RGS19: variants seen among roughly 807,000 people sequenced by gnomAD.
RGS19 encodes G alpha interacting protein.
A neutral mutation model predicts 22.0 loss-of-function variants in RGS19; 9 were observed. That is an observed-to-expected ratio of 0.41 (90% confidence interval 0.25 to 0.71). The LOEUF (loss-of-function observed/expected upper bound fraction) is 0.71. Among genes scored for constraint, RGS19 ranks in the 30% least tolerant of loss-of-function variants. RGS19 has a pLI of 0.32. For synonymous variants in RGS19, 130 were observed against 127.3 expected (o/e 1.02, Z -0.14); for missense variants, 256 against 307.1 (o/e 0.83, Z 1.24).
chr20:64,076,116 G>A (rs757163490), intron 3 of RGS19, among the ~76,000 whole-genome samples: 24 of 152,128 alleles, frequency 1.6e-4, no homozygotes, highest in Non-Finnish European at 2.8e-4. Flanking sequence ...CCCGACCTCA[G>A]GTGATCCGCC....
intron 3 of RGS19, 28 bp from the exon 4 acceptor site, chr20:64,074,569 C>T (rs1040580005): frequency 1.9e-6 from 3 of 1,538,832 alleles, no homozygotes; most frequent in African/African-American, 1.4e-5. Flanking sequence ...GCAGCGCTGC[C>T]GTGGGCACAC....
chr20:64,074,118 C>A (rs11905291), intron 5 of RGS19, 26 bp downstream of exon 5: 1 of 1,606,930 alleles, frequency 6.2e-7, no homozygotes, highest in African/African-American at 1.3e-5. Context: ...CAGGCGGCCC[C>A]CGGCCTGTTC....
Position 64,073,601 on chromosome 20 carries a change from A to G in RGS19, c.*252T>C, listed in dbSNP as rs2059873863. On this transcript the variant is annotated 3_prime_UTR_variant, in exon 6 of 6. Coordinates refer to ENST00000395042, the MANE Select transcript of RGS19 (RefSeq NM_005873.3). Reference sequence around the variant, plus strand: ...CCCAGCCAGGAGCACTGGGCCAGCCAGCTGCGGGCCGATGAGGGGGCTTCT... The same window carrying G: ...CCCAGCCAGGAGCACTGGGCCAGCCGGCTGCGGGCCGATGAGGGGGCTTCT... 4 of 463,416 alleles carry G rather than the reference A, an allele frequency of 8.6e-6. No individual in the cohort carries two copies. Among genetic ancestry groups the G allele is most frequent in the Non-Finnish European group, 1.5e-5 (4 of 259,458 alleles). 28.7% of individuals were successfully genotyped at this position (463,416 alleles called of 1,614,324 possible). A position where few individuals can be genotyped will look rare whatever the true frequency, so the allele number is the denominator to read the frequency against.
Position 64,075,413 on chromosome 20 carries a change from G to A in RGS19, c.153-872C>T, listed in dbSNP as rs1279822014. Among the ~76,000 whole-genome samples, 12 of 152,096 alleles carry A rather than the reference G, an allele frequency of 7.9e-5. No individual in the cohort carries two copies. Among genetic ancestry groups the A allele is most frequent in the Admixed American group, 6.5e-4 (10 of 15,272 alleles). ...CAGTGCTGGACCCAAATCCATACCC[G>A]GCTGACCTCTCTCCAGGGCACTTGG... On this transcript the variant is annotated intron_variant, in intron 3 of 5. Coordinates refer to ENST00000395042, the MANE Select transcript of RGS19 (RefSeq NM_005873.3). The surrounding 1 kb of genome is among the most constrained non-coding windows in gnomAD (Gnocchi z 4.6).
At position 64,073,543 on chromosome 20, in the gene RGS19, TG is replaced by T. The variant is rs2059873018; in HGVS notation, c.*309del. 6.2e-6 allele frequency: 2 copies of T among 324,452 alleles called. No homozygotes were observed. Among genetic ancestry groups the T allele is most frequent in the Non-Finnish European group, 1.1e-5 (2 of 174,912 alleles). 20.1% of individuals were successfully genotyped at this position (324,452 alleles called of 1,614,324 possible). A position where few individuals can be genotyped will look rare whatever the true frequency, so the allele number is the denominator to read the frequency against. On this transcript the variant is annotated 3_prime_UTR_variant, in exon 6 of 6. Transcript: ENST00000395042. Reference sequence around the variant, plus strand: ...AGGCTCATGGGTCCAGCATGGCTCCTGGGGGGACCCCTACTCTCACCACGCA... The same window carrying T: ...AGGCTCATGGGTCCAGCATGGCTCCTGGGGGACCCCTACTCTCACCACGCA...
In RGS19 at chr20:64,073,636, T is replaced by C. The variant is rs1026929693; in HGVS notation, c.*217A>G. On this transcript the variant is annotated 3_prime_UTR_variant, in exon 6 of 6. Transcript: ENST00000395042. Reference sequence around the variant, plus strand: ...CGATGAGGGGGCTTCTGGCCCGCCCTGCACCTGGAGGCCCGCCCTGCACCT... The same window carrying C: ...CGATGAGGGGGCTTCTGGCCCGCCCCGCACCTGGAGGCCCGCCCTGCACCT... 30 of 507,822 alleles carry C rather than the reference T, an allele frequency of 5.9e-5. No individual in the cohort carries two copies. The highest frequency in any genetic ancestry group is 5.8e-4 in the Admixed American group (16 of 27,612). The allele number at this position is 507,822 out of a possible 1,614,324, so 31.5% of individuals were successfully genotyped here.
chr20:64,078,495 C>A lies in RGS19; in HGVS notation c.-69+799G>T, dbSNP rs1364159371. Among the ~76,000 whole-genome samples, 4 of 152,344 alleles carry A rather than the reference C, an allele frequency of 2.6e-5. No homozygotes were observed. The East Asian group carries it at 5.8e-4, about 22-fold the overall frequency. On this transcript the variant is annotated intron_variant, in intron 1 of 5. Transcript: ENST00000395042. ...TCTGTCCCCACCCAGGGTCCTCCCC[C>A]ACACTCTAGCACCCCTGAGACTGTC... is the stretch of plus-strand genomic sequence containing the variant.
At chr20:64,074,780 C>T (rs1040924332) in intron 3 of RGS19, among the ~76,000 whole-genome samples, 3 of 152,262 alleles carry the variant, frequency 2.0e-5, no homozygotes, top group African/African-American at 7.2e-5. Context: ...GTTACTGTCC[C>T]TGCCACAGTG....
At chr20:64,074,578 A>C in intron 3 of RGS19, 37 bp from the exon 4 acceptor site, 1 of 1,523,854 alleles carries the variant, frequency 6.6e-7, no homozygotes, top group Non-Finnish European at 8.8e-7. Context: ...CCGTGGGCAC[A>C]CACGCCTCCA....
intron 1 of RGS19, among the ~76,000 whole-genome samples, chr20:64,078,331 C>T (rs1164329058): frequency 4.7e-5 from 2 of 42,284 alleles, no homozygotes; most frequent in African/African-American, 1.3e-4. Context: ...GATGAGGAGA[C>T]CGAAAGTAGC....
chr20:64,076,749 C>T (rs2059908861), intron 2 of RGS19, 103 bp from the exon 3 acceptor site: 1 of 1,518,504 alleles, frequency 6.6e-7, no homozygotes, highest in Non-Finnish European at 9.0e-7. Context: ...GGCACATGAC[C>T]CTTCTGGCCT....
intron 3 of RGS19, 31 bp from the exon 4 acceptor site, chr20:64,074,572 G>A (rs772035465): frequency 2.0e-6 from 3 of 1,533,638 alleles, no homozygotes; most frequent in East Asian, 4.9e-5. Context: ...GCGCTGCCGT[G>A]GGCACACACG....
At chr20:64,074,110 G>A (rs1412666896) in intron 5 of RGS19, 34 bp downstream of exon 5, 1 of 1,605,010 alleles carries the variant, frequency 6.2e-7, no homozygotes, top group Admixed American at 1.7e-5. Context: ...GCCTGGAGCA[G>A]GCGGCCCCCG....
Position 64,073,563 on chromosome 20 carries a change from C to T in RGS19, c.*290G>A. 1 of 390,722 alleles carries T rather than the reference C, an allele frequency of 2.6e-6. No homozygotes were observed. The highest frequency in any genetic ancestry group is 4.7e-6 in the Non-Finnish European group (1 of 214,564). The allele number at this position is 390,722 out of a possible 1,614,324, so 24.2% of individuals were successfully genotyped here. A position where few individuals can be genotyped will look rare whatever the true frequency, so the allele number is the denominator to read the frequency against. ...GCTCCTGGGGGGACCCCTACTCTCA[C>T]CACGCAAGAGCCCCCAGCCAGGAGC... On this transcript the variant is annotated 3_prime_UTR_variant, in exon 6 of 6. Transcript: ENST00000395042.
upstream of RGS19, chr20:64,079,956 GC>G (rs1046157718): frequency 2.0e-5 from 3 of 148,082 alleles, no homozygotes; most frequent in Admixed American, 2.0e-4. This position sits in a 1 kb window ranked among gnomAD's most constrained non-coding sequence, Gnocchi z 5.1. Context: ...GGGCGCGGGG[GC>G]GCAGTGCGCA....
rs551997818 is a variant in RGS19, at chr20:64,074,309, C to T, written c.297G>A (p.Ala99=). Residue 99 remains alanine, a synonymous_variant, in exon 5 of 6, where the codon GCG becomes GCA. Transcript: ENST00000395042. ...QSFDKLMHSP[A]GRSVFRAFLR... ...GGAACGCCCGGAACACGCTGCGTCC[C>T]GCTGGGCTGTGCATCAGCTTGTCAA... The T allele has an allele frequency of 1.5e-5, 24 of 1,612,914 alleles. No individual in the cohort carries two copies. Among genetic ancestry groups the T allele is most frequent in the East Asian group, 4.5e-5 (2 of 44,882 alleles).
rs1232341865 is a variant in RGS19 at position 64,075,418 on chromosome 20, A to G, written c.153-877T>C. On this transcript the variant is annotated intron_variant, in intron 3 of 5. Transcript: ENST00000395042. This position sits in a 1 kb window ranked among gnomAD's most constrained non-coding sequence, Gnocchi z 4.6. ...CTGGACCCAAATCCATACCCGGCTG[A>G]CCTCTCTCCAGGGCACTTGGATGGC... Among the ~76,000 whole-genome samples the G allele has an allele frequency of 6.6e-6, 1 of 151,642 alleles. No homozygotes were observed. The highest frequency in any genetic ancestry group is 1.5e-5 in the Non-Finnish European group (1 of 67,900).
intron 1 of RGS19, among the ~76,000 whole-genome samples, chr20:64,077,849 G>A (rs550683738): frequency 8.5e-5 from 13 of 152,242 alleles, no homozygotes; most frequent in Admixed American, 2.0e-4. Context: ...ATGCCACTTC[G>A]AATCCCAAGT....
rs551997818 is a variant in RGS19 at position 64,074,309 on chromosome 20, C to A, written c.297G>T (p.Ala99=). 6.2e-7 allele frequency: 1 copy of A among 1,612,796 alleles called. No homozygotes were observed. The highest frequency in any genetic ancestry group is 8.5e-7 in the Non-Finnish European group (1 of 1,180,026). ...GGAACGCCCGGAACACGCTGCGTCC[C>A]GCTGGGCTGTGCATCAGCTTGTCAA... ...QSFDKLMHSP[A]GRSVFRAFLR... Residue 99 remains alanine, a synonymous_variant, in exon 5 of 6, where the codon GCG becomes GCT. Coordinates refer to ENST00000395042, the MANE Select transcript of RGS19 (RefSeq NM_005873.3).
Sources: gnomAD v4.1 joint callset for allele counts (sites outside exome capture counted in the v4.1 genomes callset) on GRCh38, gnomAD v4.1.1 for gene constraint, Gnocchi (gnomAD v3.1) non-coding constraint, MANE v1.5 for transcripts, NCBI Gene and HGNC (gene_info 2026-07-23, HGNC 2026-07-21) for gene names.